GLDN: variants seen among roughly 807,000 people sequenced by gnomAD.
GLDN encodes the protein collomin.
A neutral mutation model predicts 56.5 loss-of-function variants in GLDN; 47 were observed. That is an observed-to-expected ratio of 0.83 (90% CI 0.66 to 1.06). GLDN has a LOEUF of 1.06. GLDN is among the 50% of genes least tolerant of loss of function. GLDN has a pLI of 0.00. For synonymous variants in GLDN, 332 were observed against 278.8 expected, an observed-to-expected ratio of 1.19 and a Z score of -1.90; for missense variants, 782 against 714.3, an observed-to-expected ratio of 1.09 and a Z score of -1.08.
chr15:51,368,978 A>G (rs1215288490), intron 1 of GLDN: 7 of 152,164 alleles, frequency 4.6e-5, no homozygotes, highest in Non-Finnish European at 8.8e-5. Flanking sequence ...TGTGGCCTCC[A>G]GTTTTATTTA....
intron 1 of GLDN, among the ~76,000 whole-genome samples, chr15:51,353,734 A>AAAAAAC (rs60404846): frequency 2.3e-4 from 30 of 128,858 alleles, no homozygotes; most frequent in Non-Finnish European, 3.7e-4. Context: ...AAAAAAAAAA[A>AAAAAAC]CCACAGTCAA....
intron 4 of GLDN, among the ~76,000 whole-genome samples, chr15:51,387,002 A>G (rs1457116408): frequency 1.3e-5 from 2 of 152,114 alleles, no homozygotes. Flanking sequence ...TAGTCAAAAG[A>G]GGCCTGGGGT....
At chr15:51,371,039 C>T (rs1433268505) in intron 1 of GLDN, among the ~76,000 whole-genome samples, 1 of 152,020 alleles carries the variant, frequency 6.6e-6, no homozygotes, top group Non-Finnish European at 1.5e-5. Flanking sequence ...CTTCTTATTC[C>T]CTAGTCTCAG....
At chr15:51,351,682 T>C (rs918313137) in intron 1 of GLDN, among the ~76,000 whole-genome samples, 3 of 152,208 alleles carry the variant, frequency 2.0e-5, no homozygotes, top group African/African-American at 7.2e-5. Flanking sequence ...TCAGCCCTCA[T>C]GTACCTGTCC....
chr15:51,360,606 A>G (rs777489695), intron 1 of GLDN: 2 of 152,054 alleles, frequency 1.3e-5, no homozygotes, highest in Non-Finnish European at 1.5e-5. Flanking sequence ...TCTCAGTTTT[A>G]CTCTTCTGTC....
chr15:51,399,445 T>C (rs1323893732), intron 6 of GLDN, among the ~76,000 whole-genome samples: 1 of 152,204 alleles, frequency 6.6e-6, no homozygotes, highest in African/African-American at 2.4e-5. Context: ...GGTTTGCTTC[T>C]GCTGCCCTAA....
At chr15:51,373,018 G>A (rs2037547438) in intron 1 of GLDN, among the ~76,000 whole-genome samples, 1 of 152,122 alleles carries the variant, frequency 6.6e-6, no homozygotes, top group Non-Finnish European at 1.5e-5. Context: ...GTGGAGTTCT[G>A]CAGACCTAAA....
downstream of GLDN, among the ~76,000 whole-genome samples, chr15:51,412,533 C>T (rs756037162): frequency 2.0e-5 from 3 of 152,168 alleles, no homozygotes; most frequent in Non-Finnish European, 2.9e-5. Flanking sequence ...CCAACTTGTG[C>T]TCTGGAATAT....
intron 1 of GLDN, among the ~76,000 whole-genome samples, chr15:51,342,293 T>A: frequency 6.6e-6 from 1 of 152,200 alleles, no homozygotes; most frequent in Non-Finnish European, 1.5e-5. Context: ...ATTCTTTGAG[T>A]CCACATGTAA....
At chr15:51,379,024 C>G (rs1384636036) in intron 2 of GLDN, among the ~76,000 whole-genome samples, 1 of 152,184 alleles carries the variant, frequency 6.6e-6, no homozygotes, top group Non-Finnish European at 1.5e-5. Flanking sequence ...AGCAGGCACT[C>G]ATAACTTGAG....
In GLDN at chr15:51,404,764, T is replaced by G. The variant is rs1440308280; in HGVS notation, c.*10T>G. ...TACCTTAAATCAGTGATGTGCTGCA[T>G]TCGGCTCCCTTCAGCAAATTTCAGG... is the stretch of plus-strand genomic sequence containing the variant. On this transcript the variant is annotated 3_prime_UTR_variant, in exon 10 of 10. Transcript: ENST00000335449. The G allele has an allele frequency of 7.2e-7, 1 of 1,395,044 alleles. No individual in the cohort carries two copies. The highest frequency in any genetic ancestry group is 1.4e-5 in the African/African-American group (1 of 70,418). The allele number at this position is 1,395,044 out of a possible 1,614,324, so 86.4% of individuals were successfully genotyped here.
At chr15:51,351,529 T>G (rs957484385) in intron 1 of GLDN, among the ~76,000 whole-genome samples, 1 of 152,118 alleles carries the variant, frequency 6.6e-6, no homozygotes, top group African/African-American at 2.4e-5. Flanking sequence ...TTGGCAAAGG[T>G]CCCTCCTGGT....
intron 1 of GLDN, among the ~76,000 whole-genome samples, chr15:51,361,986 C>T (rs1217698452): frequency 6.6e-6 from 1 of 152,050 alleles, no homozygotes; most frequent in African/African-American, 2.4e-5. Flanking sequence ...TAATAGGAAG[C>T]TGTAATTATA....
At position 51,404,338 on chromosome 15, in the gene GLDN, C is replaced by T. The variant is rs539703340; in HGVS notation, c.1240C>T (p.Arg414Ter). ...GCTTGAAAATGCCTTGTATTTTGAT[C>T]GAAAATACCTTTTTGCAAATTCCAA... Reference protein sequence around the residue: ...LKLENALYFDRKYLFANSKTY... With the variant: ...LKLENALYFD Residue 414 changes from arginine (R) to a stop codon, truncating the protein, a stop_gained, in exon 10 of 10, where the codon CGA becomes TGA. Transcript: ENST00000335449. LOFTEE classifies it high-confidence loss of function. 6.2e-6 allele frequency: 10 copies of T among 1,612,468 alleles called. No homozygotes were observed. The highest frequency in any genetic ancestry group is 2.2e-5 in the South Asian group (2 of 90,498).
At chr15:51,383,979 G>T in intron 4 of GLDN, 87 bp downstream of exon 4, 1 of 1,015,444 alleles carries the variant, frequency 9.8e-7, no homozygotes, top group South Asian at 1.4e-5. Context: ...TGCAGCAGGG[G>T]TAAGGTGTTT....
intron 4 of GLDN, among the ~76,000 whole-genome samples, chr15:51,391,051 A>G (rs1381607686): frequency 2.0e-5 from 3 of 152,178 alleles, no homozygotes. Context: ...ACTGACAAAG[A>G]CGAGGGGATG....
chr15:51,381,212 T>C (rs530921507), intron 2 of GLDN, among the ~76,000 whole-genome samples: 82 of 152,322 alleles, frequency 5.4e-4, no homozygotes, highest in African/African-American at 2.0e-3. Context: ...ACAGTACTGA[T>C]GCATGGACGT....
intron 4 of GLDN, among the ~76,000 whole-genome samples, chr15:51,391,249 C>T (rs2047853745): frequency 1.3e-5 from 2 of 152,066 alleles, no homozygotes; most frequent in Admixed American, 1.3e-4. Context: ...ATTACAACAG[C>T]TGCCAGGCAG....
intron 4 of GLDN, among the ~76,000 whole-genome samples, chr15:51,389,217 T>C (rs2037965019): frequency 6.6e-6 from 1 of 152,200 alleles, no homozygotes; most frequent in African/African-American, 2.4e-5. Flanking sequence ...ACTATAGTGT[T>C]GGTCAATGAA....
Sources: allele counts gnomAD v4.1 joint callset (sites outside exome capture counted in the v4.1 genomes callset), GRCh38; gene constraint gnomAD v4.1.1; transcripts MANE v1.5; gene names NCBI Gene and HGNC (gene_info 2026-07-23, HGNC 2026-07-21).